Variants in DPP6 observed in about 807,000 individuals in gnomAD.
DPP6 encodes dipeptidyl peptidase like 6, also known as A-type potassium channel modulatory protein DPP6.
Under a neutral mutation model 122.6 loss-of-function variants are expected in DPP6, and 69 were observed. The observed-to-expected ratio is 0.56, with a 90% CI of 0.46 to 0.69. DPP6 has a LOEUF of 0.69. DPP6 is among the 30% of genes least tolerant of loss of function. The pLI, the probability that DPP6 is intolerant of heterozygous loss-of-function variation, is 0.00. For synonymous variants in DPP6, 418 were observed against 433.1 expected (o/e 0.97, Z 0.43); for missense variants, 928 against 1,116.9 (o/e 0.83, Z 2.41).
At chr7:153,991,130 C>T (rs201771670) in intron 1 of DPP6, among the ~76,000 whole-genome samples, 3,388 of 124,578 alleles carry the variant, frequency 0.027, no homozygotes, top group African/African-American at 0.046. Context: ...AGACTGTGGT[C>T]GTCAGGCTGA....
the DPP6 span, among the ~76,000 whole-genome samples, chr7:153,755,496 A>G: frequency 6.7e-6 from 1 of 148,574 alleles, no homozygotes; most frequent in African/African-American, 2.5e-5. Context: ...GAAGGTTTTC[A>G]TGCCCTCCCT....
intron 1 of DPP6, among the ~76,000 whole-genome samples, chr7:154,146,495 A>G (rs73729281): frequency 6.6e-6 from 1 of 151,472 alleles, no homozygotes; most frequent in Non-Finnish European, 1.5e-5. Context: ...CCGGCAACCA[A>G]CCCTCGCTGA....
At position 154,158,879 on chromosome 7, in the gene DPP6, C is replaced by T. The variant is rs148195155; in HGVS notation, c.243+105816C>T. Among the ~76,000 whole-genome samples the T allele has an allele frequency of 3.8e-3, 578 of 152,078 alleles. 5 individuals carry two copies. Among genetic ancestry groups the T allele is most frequent in the African/African-American group, 0.013 (548 of 41,408 alleles). The stretch of plus-strand genomic sequence containing the variant: ...GCTGGGCTGCTGCTGCTCTAGGACA[C>T]GGGTCGGGAGGAGGAGGCTGGGAAG... On this transcript the variant is annotated intron_variant, in intron 1 of 25. Transcript: ENST00000377770.
At chr7:154,872,273 T>G (rs1804461446) in intron 18 of DPP6, among the ~76,000 whole-genome samples, 1 of 151,974 alleles carries the variant, frequency 6.6e-6, no homozygotes, top group Non-Finnish European at 1.5e-5. Context: ...GAGATGCCTT[T>G]GTTGCCGCAG....
intron 16 of DPP6, among the ~76,000 whole-genome samples, chr7:154,827,647 G>A (rs1318009466): frequency 6.8e-6 from 1 of 146,022 alleles, no homozygotes; most frequent in Non-Finnish European, 1.5e-5. Context: ...GTGTCTCCCA[G>A]AAAGGACGGC....
chr7:154,007,016 G>A (rs1797942234), intron 1 of DPP6, among the ~76,000 whole-genome samples: 1 of 152,220 alleles, frequency 6.6e-6, no homozygotes, highest in Admixed American at 6.5e-5. Flanking sequence ...TTGTTTAGAA[G>A]GTGGCTGTGT....
At chr7:154,599,250 A>G (rs1271993988) in intron 5 of DPP6, among the ~76,000 whole-genome samples, 1 of 152,176 alleles carries the variant, frequency 6.6e-6, no homozygotes, top group Non-Finnish European at 1.5e-5. Flanking sequence ...AGGCCCCACA[A>G]TGGGGACAGA....
intron 1 of DPP6, among the ~76,000 whole-genome samples, chr7:154,088,491 C>T (rs1484163063): frequency 6.8e-6 from 1 of 147,566 alleles, no homozygotes; most frequent in African/African-American, 2.6e-5. Context: ...ATTCAGGCAA[C>T]TCTCCCCAGC....
chr7:154,878,148 C>T (rs976107571), intron 20 of DPP6, among the ~76,000 whole-genome samples: 1 of 152,212 alleles, frequency 6.6e-6, no homozygotes, highest in Non-Finnish European at 1.5e-5. Flanking sequence ...AAGCCCGGGG[C>T]CTCCCCGCCA....
chr7:154,332,418 T>C (rs1259188250), intron 1 of DPP6, among the ~76,000 whole-genome samples: 2 of 152,216 alleles, frequency 1.3e-5, no homozygotes, highest in Non-Finnish European at 2.9e-5. Context: ...GAAGTGTTTG[T>C]TAAAGTACAG....
chr7:154,023,937 G>A (rs1377314527), intron 1 of DPP6, among the ~76,000 whole-genome samples: 1 of 152,126 alleles, frequency 6.6e-6, no homozygotes, highest in Non-Finnish European at 1.5e-5. Flanking sequence ...GAATTTAGGG[G>A]TGCCCAACAG....
chr7:154,219,371 C>T (rs4076277), intron 1 of DPP6, among the ~76,000 whole-genome samples: 10,862 of 152,214 alleles, frequency 0.071, 799 homozygotes, highest in African/African-American at 0.18. Context: ...CTTTGCCCAA[C>T]AATACACATC....
At chr7:154,475,331 C>T in intron 3 of DPP6, 1 of 391,446 alleles carries the variant, frequency 2.6e-6, no homozygotes, top group South Asian at 2.1e-5. Context: ...GACATCATTT[C>T]TCCGGGGGAG....
intron 2 of DPP6, among the ~76,000 whole-genome samples, chr7:154,448,077 A>G (rs1820041112): frequency 2.6e-5 from 4 of 151,838 alleles, no homozygotes; most frequent in South Asian, 2.1e-4. Flanking sequence ...AGCCAGGGCT[A>G]TTAGGTAGGA....
At chr7:154,597,155 G>A (rs1833141562) in intron 5 of DPP6, among the ~76,000 whole-genome samples, 1 of 135,546 alleles carries the variant, frequency 7.4e-6, no homozygotes, top group Non-Finnish European at 1.6e-5. Flanking sequence ...GAGACACAGA[G>A]ACAGAGAGGG....
chr7:153,947,972 T>C (rs183501711), intron 1 of DPP6, among the ~76,000 whole-genome samples: 79 of 152,302 alleles, frequency 5.2e-4, no homozygotes, highest in Admixed American at 1.9e-3. Flanking sequence ...CACACCAGCC[T>C]CTGTGCCAGT....
intron 1 of DPP6, among the ~76,000 whole-genome samples, chr7:154,188,189 A>G (rs1798442977): frequency 6.6e-6 from 1 of 152,138 alleles, no homozygotes; most frequent in South Asian, 2.1e-4. Flanking sequence ...CCCAAGCTAG[A>G]GACTGTGAGT....
intron 1 of DPP6, among the ~76,000 whole-genome samples, chr7:153,959,073 C>G (rs1795214333): frequency 6.6e-6 from 1 of 152,044 alleles, no homozygotes; most frequent in Non-Finnish European, 1.5e-5. Flanking sequence ...TGACATATTT[C>G]AAAGGCAGGC....
At chr7:154,426,224 G>A (rs921093312) in intron 1 of DPP6, among the ~76,000 whole-genome samples, 9 of 152,126 alleles carry the variant, frequency 5.9e-5, no homozygotes, top group African/African-American at 1.7e-4. Flanking sequence ...CAGAAGTTTG[G>A]CAAAACACTT....
Sources: gnomAD v4.1 joint callset for allele counts (sites outside exome capture counted in the v4.1 genomes callset) on GRCh38, gnomAD v4.1.1 for gene constraint, MANE v1.5 for transcripts, NCBI Gene and HGNC (gene_info 2026-07-23, HGNC 2026-07-21) for gene names.